The following NGLY1 variants were observed in gnomAD, a reference collection of about 807,000 sequenced individuals.
NGLY1 encodes N-glycanase 1, also known as peptide-N(4)-(N-acetyl-beta-glucosaminyl)asparagine amidase.
In NGLY1, 68 loss-of-function variants were observed where a neutral mutation model predicts 84.6. That is an observed-to-expected ratio of 0.80 (90% CI 0.66 to 0.98). NGLY1 has a LOEUF of 0.98. Ranked by LOEUF, NGLY1 falls within the 50% of genes least tolerant of loss-of-function variation. The pLI is 0.00. For synonymous variants in NGLY1, 280 were observed against 275.2 expected (o/e 1.02, Z -0.17); for missense variants, 779 against 770.2 (o/e 1.01, Z -0.14).
chr3:25,759,042 G>T (rs1338719014), intron 3 of NGLY1, among the ~76,000 whole-genome samples: 1 of 152,088 alleles, frequency 6.6e-6, no homozygotes, highest in East Asian at 1.9e-4. Context: ...AATGAAAACT[G>T]GCCTAAAACA....
At chr3:25,782,426 C>A (rs892300113) in intron 1 of NGLY1, among the ~76,000 whole-genome samples, 3 of 152,052 alleles carry the variant, frequency 2.0e-5, no homozygotes, top group African/African-American at 4.8e-5. Flanking sequence ...ATTTCCCTAC[C>A]CCCCCACACC....
At chr3:25,740,416 G>T (rs6782684) in intron 4 of NGLY1, among the ~76,000 whole-genome samples, 2,000 of 152,130 alleles carry the variant, frequency 0.013, 43 homozygotes, top group African/African-American at 0.045. Context: ...TCCATAAACA[G>T]ATCTCTCTTG....
At chr3:25,763,995 C>T (rs1707433057) in intron 3 of NGLY1, 71 bp downstream of exon 3, 2 of 1,554,010 alleles carry the variant, frequency 1.3e-6, no homozygotes, top group African/African-American at 1.4e-5. Context: ...TAAATCATAA[C>T]ACATTCCAAA....
intron 4 of NGLY1, among the ~76,000 whole-genome samples, chr3:25,741,556 C>T (rs1457458954): frequency 6.6e-6 from 1 of 151,766 alleles, no homozygotes; most frequent in Admixed American, 6.6e-5. Context: ...TTAGGAAGGT[C>T]TTAGGCAAGC....
intron 4 of NGLY1, among the ~76,000 whole-genome samples, chr3:25,740,370 A>G (rs965820986): frequency 3.9e-5 from 6 of 152,308 alleles, no homozygotes; most frequent in African/African-American, 9.6e-5. Flanking sequence ...TAACAACCCT[A>G]GTAAGTTATA....
rs1243695450 is a variant in NGLY1, at chr3:25,720,152, T to C, written c.1651A>G (p.Ile551Val). The C allele has an allele frequency of 1.2e-6, 2 of 1,613,744 alleles. No homozygotes were observed. Among genetic ancestry groups the C allele is most frequent in the South Asian group, 1.1e-5 (1 of 91,080 alleles). ...GACCCACACTCAAACTTCCAGGAAA[T>C]ATAAGCAAAAGATGATCCTTCCTTT... ...ARKEGSSFAY[I>V]SWKFECGSVG... Residue 551 changes from isoleucine to valine, a missense_variant, in exon 11 of 12, where the codon ATT (isoleucine) becomes GTT (valine). Ile to Val is a conservative substitution (Grantham distance 29). Transcript: ENST00000280700.
chr3:25,748,289 A>T (rs2101478), intron 4 of NGLY1, among the ~76,000 whole-genome samples: 6,670 of 152,252 alleles, frequency 0.044, 188 homozygotes, highest in Middle Eastern at 0.065. Flanking sequence ...CAGTATAATA[A>T]CAATGGATTA....
At chr3:25,789,915 A>AG (rs1708686217) in exon 1 of NGLY1, 1 of 1,551,198 alleles carries the variant, frequency 6.4e-7, no homozygotes, top group African/African-American at 1.4e-5. Flanking sequence ...AGGTTCCGAG[A>AG]GGGGCGTCTC....
chr3:25,731,992 G>A (rs939728397), intron 9 of NGLY1, among the ~76,000 whole-genome samples: 2 of 151,880 alleles, frequency 1.3e-5, no homozygotes, highest in Admixed American at 6.6e-5. Context: ...CGATTACATG[G>A]GTGTTAAATT....
chr3:25,737,498 T>A (rs907878486), intron 5 of NGLY1, 43 bp from the exon 6 acceptor site: 2 of 1,488,358 alleles, frequency 1.3e-6, no homozygotes, highest in African/African-American at 2.8e-5. Flanking sequence ...AAAATCAAGA[T>A]TTTTAAGAGA....
At chr3:25,778,711 T>A in intron 1 of NGLY1, 23 bp from the exon 2 acceptor site, 1 of 1,447,998 alleles carries the variant, frequency 6.9e-7, no homozygotes, top group African/African-American at 1.4e-5. Context: ...AAAAGTTTGA[T>A]TATATATAAA....
chr3:25,767,352 C>G (rs774247498), intron 2 of NGLY1, among the ~76,000 whole-genome samples: 1 of 151,802 alleles, frequency 6.6e-6, no homozygotes, highest in African/African-American at 2.4e-5. Flanking sequence ...TTTCTCAAGG[C>G]ATTTTTGTTG....
chr3:25,733,505 GTGTGTGTGTGTA>G (rs1170473649), intron 8 of NGLY1, among the ~76,000 whole-genome samples: 18 of 146,168 alleles, frequency 1.2e-4, no homozygotes, highest in African/African-American at 4.5e-4. Context: ...GTGTGTGTGT[GTGTGTGTGTGTA>G]TGTACATACA....
intron 6 of NGLY1, 87 bp downstream of exon 6, chr3:25,737,247 T>G (rs1219197807): frequency 8.5e-7 from 1 of 1,178,990 alleles, no homozygotes; most frequent in East Asian, 2.6e-5. Flanking sequence ...GGCCAAAAAG[T>G]AACAGAGAAT....
chr3:25,739,617 G>C lies in NGLY1; in HGVS notation c.841C>G (p.His281Asp), dbSNP rs200446388. The C allele has an allele frequency of 1.9e-6, 3 of 1,614,080 alleles. No homozygotes were observed. The highest frequency in any genetic ancestry group is 2.5e-6 in the Non-Finnish European group (3 of 1,179,996). Residue 281 changes from histidine to aspartate, a missense_variant, in exon 5 of 12, where the codon CAT (histidine) becomes GAT (aspartate). Physicochemically the swap from His to Asp is moderately conservative, Grantham distance 81. Coordinates refer to ENST00000280700, the MANE Select transcript of NGLY1 (RefSeq NM_018297.4). ...CTGAACTGGCAGGCATCACAGTAATGATCTTCCACTTCCTTTGCACCCCAC... is the reference window on the plus strand; with the variant it reads ...CTGAACTGGCAGGCATCACAGTAATCATCTTCCACTTCCTTTGCACCCCAC... ...LKWGAKEVED[H>D]YCDACQFSNR...
chr3:25,776,991 A>AG (rs1708182030), intron 2 of NGLY1, among the ~76,000 whole-genome samples: 2 of 152,214 alleles, frequency 1.3e-5, no homozygotes, highest in Admixed American at 1.3e-4. Context: ...AGACTAATGT[A>AG]ATAAGCTTTC....
chr3:25,721,174 T>C (rs997109910), intron 10 of NGLY1, among the ~76,000 whole-genome samples: 2 of 152,140 alleles, frequency 1.3e-5, no homozygotes, highest in African/African-American at 4.8e-5. Context: ...CACTGAAGCC[T>C]TGAACTCCTG....
intron 6 of NGLY1, chr3:25,736,736 G>GT (rs1705844090): frequency 5.5e-6 from 1 of 182,088 alleles, no homozygotes; most frequent in South Asian, 1.6e-4. Flanking sequence ...TGTGCTTTAA[G>GT]TTTATAGTTT....
intron 7 of NGLY1, chr3:25,735,785 C>T (rs1209917300): frequency 2.5e-6 from 1 of 403,996 alleles, no homozygotes; most frequent in African/African-American, 2.0e-5. Context: ...GGGAACTACC[C>T]AAATAGCCAT....
Sources: gnomAD v4.1 joint callset for allele counts (sites outside exome capture counted in the v4.1 genomes callset) on GRCh38, gnomAD v4.1.1 for gene constraint, MANE v1.5 for transcripts, NCBI Gene and HGNC (gene_info 2026-07-23, HGNC 2026-07-21) for gene names.